Variants in GRIP1 observed in about 807,000 individuals in gnomAD.
The protein encoded by GRIP1 is glutamate receptor-interacting protein 1.
GRIP1 carries 45 observed loss-of-function variants against 129.9 expected under a neutral mutation model. The ratio of observed to expected loss-of-function variants is 0.35; its 90% CI spans 0.27 to 0.44. GRIP1 has a LOEUF of 0.44. Among genes scored for constraint, GRIP1 ranks in the 20% least tolerant of loss-of-function variants. The pLI is 1.00. For synonymous variants in GRIP1, 530 were observed against 520.8 expected, an observed-to-expected ratio of 1.02 and a Z score of -0.24; for missense variants, 1,196 against 1,396.8, an observed-to-expected ratio of 0.86 and a Z score of 2.29.
At chr12:66,802,874 A>G (rs767094470) in intron 1 of GRIP1, among the ~76,000 whole-genome samples, 18 of 152,234 alleles carry the variant, frequency 1.2e-4, no homozygotes, top group Non-Finnish European at 2.2e-4. Flanking sequence ...AGAACACATT[A>G]TTCATGTGCA....
intron 14 of GRIP1, among the ~76,000 whole-genome samples, chr12:66,422,618 A>G (rs531389946): frequency 6.6e-6 from 1 of 152,326 alleles, no homozygotes; most frequent in African/African-American, 2.4e-5. Flanking sequence ...AATGGTCTGT[A>G]AAACCAAACA....
At chr12:66,837,977 T>C (rs575936936) in intron 1 of GRIP1, among the ~76,000 whole-genome samples, 7 of 152,262 alleles carry the variant, frequency 4.6e-5, no homozygotes, top group Admixed American at 2.6e-4. Flanking sequence ...GCGGATCACC[T>C]GAGGTCAGGA....
chr12:66,958,132 T>C (rs1419989281), intron 1 of GRIP1, among the ~76,000 whole-genome samples: 1 of 152,102 alleles, frequency 6.6e-6, no homozygotes, highest in Non-Finnish European at 1.5e-5. Flanking sequence ...TACATGGATT[T>C]TGCTTGCTTA....
chr12:66,381,673 AAGT>A (rs2056115070), intron 19 of GRIP1, among the ~76,000 whole-genome samples: 3 of 152,214 alleles, frequency 2.0e-5, no homozygotes, highest in African/African-American at 7.2e-5. Context: ...TATGTATAAT[AAGT>A]AGTTCTTGGA....
intron 1 of GRIP1, among the ~76,000 whole-genome samples, chr12:67,055,240 A>AGAAGGCGACC (rs1394795411): frequency 6.6e-6 from 1 of 152,212 alleles, no homozygotes; most frequent in Non-Finnish European, 1.5e-5. Context: ...AATCCAGTAG[A>AGAAGGCGACC]GAAGGCGACC....
At chr12:66,771,442 G>A (rs1339478534) in intron 1 of GRIP1, among the ~76,000 whole-genome samples, 1 of 152,144 alleles carries the variant, frequency 6.6e-6, no homozygotes, top group Non-Finnish European at 1.5e-5. Flanking sequence ...TAAAGCCAAT[G>A]ATAAAATTAA....
At chr12:66,911,072 T>G (rs772221258) in intron 1 of GRIP1, among the ~76,000 whole-genome samples, 18 of 152,244 alleles carry the variant, frequency 1.2e-4, no homozygotes, top group Non-Finnish European at 1.9e-4. Flanking sequence ...AATATATGGT[T>G]GTTACCCTCA....
intron 19 of GRIP1, among the ~76,000 whole-genome samples, chr12:66,381,810 A>G (rs967135247): frequency 6.6e-6 from 1 of 152,246 alleles, no homozygotes; most frequent in African/African-American, 2.4e-5. Flanking sequence ...GCACTATTAA[A>G]TGATTATTGC....
At chr12:66,869,703 T>C (rs940382442) in intron 1 of GRIP1, among the ~76,000 whole-genome samples, 2 of 152,042 alleles carry the variant, frequency 1.3e-5, no homozygotes, top group Non-Finnish European at 2.9e-5. Context: ...AAGCACCATA[T>C]AGGATGATGG....
chr12:67,023,558 C>T (rs960434949), intron 1 of GRIP1, among the ~76,000 whole-genome samples: 2 of 151,636 alleles, frequency 1.3e-5, no homozygotes, highest in Non-Finnish European at 2.9e-5. Flanking sequence ...AATCAGTTAC[C>T]TTTGTTCTTT....
chr12:66,878,631 G>C (rs2040422138), intron 1 of GRIP1, among the ~76,000 whole-genome samples: 2 of 152,052 alleles, frequency 1.3e-5, no homozygotes. Flanking sequence ...ATGCTACAAA[G>C]CACCTACTAT....
intron 1 of GRIP1, chr12:67,064,953 C>T (rs2043598464): frequency 7.4e-6 from 1 of 135,148 alleles, no homozygotes; most frequent in African/African-American, 2.8e-5. Context: ...CTTCCTGTGT[C>T]CATGTGTTCT....
At chr12:66,438,443 C>T (rs2138037681) in intron 13 of GRIP1, among the ~76,000 whole-genome samples, 1 of 151,972 alleles carries the variant, frequency 6.6e-6, no homozygotes, top group South Asian at 2.1e-4. Flanking sequence ...TTCCTGATCC[C>T]AGTTCCTCAG....
intron 1 of GRIP1, among the ~76,000 whole-genome samples, chr12:66,936,624 C>G (rs1228329112): frequency 1.3e-5 from 2 of 152,066 alleles, no homozygotes; most frequent in Non-Finnish European, 2.9e-5. Context: ...GAGGGAAACC[C>G]CGAATTTGTA....
At chr12:66,923,874 C>T (rs537413981) in intron 1 of GRIP1, among the ~76,000 whole-genome samples, 15 of 151,666 alleles carry the variant, frequency 9.9e-5, no homozygotes, top group African/African-American at 2.2e-4. Context: ...GATGGAGTTT[C>T]GCTCTTGTTG....
Position 66,636,743 on chromosome 12 carries a change from G to GTGTGTGTGTGTGTC in GRIP1, c.56-39817_56-39816insGACACACACACACA, listed in dbSNP as rs1172313915. The stretch of plus-strand genomic sequence containing the variant: ...TGTGTGTGTGTGTGTGTGTGTGTGT[G>GTGTGTGTGTGTGTC]TGTGTGTGTGTCTCACTCTCTCTCT... On this transcript the variant is annotated intron_variant, in intron 1 of 24. Coordinates refer to ENST00000359742, the MANE Select transcript of GRIP1 (RefSeq NM_001366722.1). 5.5e-5 allele frequency among the ~76,000 whole-genome samples: 8 copies of GTGTGTGTGTGTGTC among 144,752 alleles called. No homozygotes were observed. In the East Asian group the frequency reaches 1.6e-3, roughly 29 times the overall value. The allele number at this position is 144,752 out of a possible 152,430, so 95.0% of individuals were successfully genotyped here.
intron 1 of GRIP1, among the ~76,000 whole-genome samples, chr12:66,896,065 C>A (rs976469675): frequency 4.6e-5 from 7 of 152,088 alleles, no homozygotes; most frequent in African/African-American, 1.7e-4. Flanking sequence ...TAAGGAGTTG[C>A]CAGCTAGACA....
At chr12:66,351,764 G>C (rs576627942) in intron 24 of GRIP1, among the ~76,000 whole-genome samples, 1 of 152,156 alleles carries the variant, frequency 6.6e-6, no homozygotes, top group Non-Finnish European at 1.5e-5. Flanking sequence ...AGGCTTTGAA[G>C]GGGAGTCCTC....
chr12:67,069,018 C>CCCCCCCCCCCCCG, intron 1 of GRIP1: 2 of 588,236 alleles, frequency 3.4e-6, no homozygotes, highest in Non-Finnish European at 4.3e-6. Context: ...CGGACCCCTG[C>CCCCCCCCCCCCCG]CCTCCCTCCC....
Sources: gnomAD v4.1 joint callset for allele counts (sites outside exome capture counted in the v4.1 genomes callset) on GRCh38, gnomAD v4.1.1 for gene constraint, MANE v1.5 for transcripts, NCBI Gene and HGNC (gene_info 2026-07-23, HGNC 2026-07-21) for gene names.